The following FRMD4B variants were observed in gnomAD, a reference collection of about 807,000 sequenced individuals.
FRMD4B encodes the protein FERM domain-containing protein 4B.
Under a neutral mutation model 141.5 loss-of-function variants are expected in FRMD4B, and 74 were observed. The observed-to-expected ratio is 0.52, with a 90% confidence interval of 0.43 to 0.63. FRMD4B has a LOEUF of 0.63. Among genes scored for constraint, FRMD4B ranks in the 30% least tolerant of loss-of-function variants. The pLI, the probability that FRMD4B is intolerant of heterozygous loss-of-function variation, is 0.00. For missense variants in FRMD4B, 1,366 were observed against 1,253.4 expected (o/e 1.09, Z -1.36); for synonymous variants, 506 against 467.9 (o/e 1.08, Z -1.05).
At chr3:69,436,360 T>TA (rs1006182137) in intron 1 of FRMD4B, among the ~76,000 whole-genome samples, 3 of 152,080 alleles carry the variant, frequency 2.0e-5, no homozygotes, top group African/African-American at 7.2e-5. Context: ...ACACTGATAA[T>TA]AAAAAAACTG....
At chr3:69,426,735 A>T (rs890778641) in intron 2 of FRMD4B, among the ~76,000 whole-genome samples, 3 of 152,200 alleles carry the variant, frequency 2.0e-5, no homozygotes, top group African/African-American at 7.2e-5. Flanking sequence ...AAATCAGAAA[A>T]TAATTTTAAC....
Position 69,170,023 on chromosome 3 carries a change from C to A in FRMD4B, c.*1838G>T, listed in dbSNP as rs1222315147. On this transcript the variant is annotated 3_prime_UTR_variant, in exon 23 of 23. Transcript: ENST00000398540. Reference sequence around the variant, plus strand: ...ATTCTAAGGCAACTTTATTGTAAGACACAGCATTATTTTTAATGTACTATT... The same window carrying A: ...ATTCTAAGGCAACTTTATTGTAAGAAACAGCATTATTTTTAATGTACTATT... 1 of 152,128 alleles carries A rather than the reference C, an allele frequency of 6.6e-6. No individual in the cohort carries two copies. The highest frequency in any genetic ancestry group is 1.5e-5 in the Non-Finnish European group (1 of 68,018). 9.4% of individuals were successfully genotyped at this position (152,128 alleles called of 1,614,324 possible). A position where few individuals can be genotyped will look rare whatever the true frequency, so the allele number is the denominator to read the frequency against.
intron 11 of FRMD4B, among the ~76,000 whole-genome samples, chr3:69,203,686 C>T (rs931374532): frequency 6.6e-6 from 1 of 152,162 alleles, no homozygotes; most frequent in Admixed American, 6.6e-5. Context: ...ACCACCAACA[C>T]CCACCTCAGA....
At chr3:69,350,489 A>T (rs908492259) in intron 1 of FRMD4B, among the ~76,000 whole-genome samples, 6 of 152,192 alleles carry the variant, frequency 3.9e-5, no homozygotes, top group Admixed American at 3.9e-4. Flanking sequence ...TACCCAAAGG[A>T]TTATAAATCA....
At chr3:69,235,207 G>T (rs1009874050) in intron 7 of FRMD4B, among the ~76,000 whole-genome samples, 22 of 147,100 alleles carry the variant, frequency 1.5e-4, no homozygotes, top group African/African-American at 4.7e-4. Flanking sequence ...ATATTTTCAA[G>T]AAAGAAACTG....
chr3:69,196,150 T>C (rs2107651833), intron 14 of FRMD4B, 105 bp downstream of exon 14: 2 of 898,586 alleles, frequency 2.2e-6, no homozygotes, highest in East Asian at 5.3e-5. Flanking sequence ...CATACTTATT[T>C]ATTCCCAAAA....
In FRMD4B at chr3:69,386,019, C is replaced by A; in HGVS notation, c.-30G>T. 6.5e-7 allele frequency: 1 copy of A among 1,538,646 alleles called. No individual in the cohort carries two copies. The highest frequency in any genetic ancestry group is 8.8e-7 in the Non-Finnish European group (1 of 1,135,588). On this transcript the variant is annotated 5_prime_UTR_variant, in exon 1 of 23. Transcript: ENST00000398540. ...CCTCCTTCGCTCTGAACCCGGGCGT[C>A]CCGGCTCTCGTACGTGCAGCCCCGA...
intron 1 of FRMD4B, among the ~76,000 whole-genome samples, chr3:69,329,638 C>T (rs1702301942): frequency 6.8e-6 from 1 of 147,386 alleles, no homozygotes; most frequent in South Asian, 2.2e-4. Context: ...AGCAATTCTC[C>T]TGCCTCAGCC....
At position 69,515,413 on chromosome 3, in the gene FRMD4B, T is replaced by C. The variant is rs190101599; in HGVS notation, c.-129+26793A>G. The stretch of plus-strand genomic sequence containing the variant: ...TCCACCTTCTTAAGACTGCAGTATC[T>C]TCAATTATTTTGAAGTCTTTTGCAT... On this transcript the variant is annotated intron_variant, in intron 1 of 5. Coordinates refer to the FRMD4B transcript ENST00000459638. 2.6e-5 allele frequency among the ~76,000 whole-genome samples: 4 copies of C among 152,360 alleles called. No homozygotes were observed. In the East Asian group the frequency reaches 5.8e-4, roughly 22 times the overall value.
rs189388645 is a variant in FRMD4B, at chr3:69,182,888, A to G, written c.1920-171T>C. On this transcript the variant is annotated intron_variant, in intron 19 of 22. Coordinates refer to ENST00000398540, the MANE Select transcript of FRMD4B (RefSeq NM_015123.3). ...TAAACCACAAAGAAAACCCGCTAAA[A>G]CAGCGGGAGCACATATGGTCTGACT... Among the ~76,000 whole-genome samples, 137 of 152,286 alleles carry G rather than the reference A, an allele frequency of 9.0e-4. 1 individual carries two copies. The highest frequency in any genetic ancestry group is 3.8e-4 in the Non-Finnish European group (26 of 68,016).
intron 3 of FRMD4B, among the ~76,000 whole-genome samples, chr3:69,307,974 A>G (rs548768138): frequency 6.6e-6 from 1 of 152,122 alleles, no homozygotes. Flanking sequence ...ATGTTCATGC[A>G]TTTGCCCACA....
intron 1 of FRMD4B, among the ~76,000 whole-genome samples, chr3:69,453,325 G>A (rs895090726): frequency 3.3e-5 from 5 of 152,204 alleles, no homozygotes; most frequent in Non-Finnish European, 1.5e-5. Flanking sequence ...TGGTGCAGGG[G>A]TCATATTCTT....
chr3:69,528,294 C>G (rs903881863), intron 1 of FRMD4B, among the ~76,000 whole-genome samples: 2 of 133,046 alleles, frequency 1.5e-5, no homozygotes, highest in Non-Finnish European at 3.1e-5. Flanking sequence ...TCCTTTTCTT[C>G]CTTCCTTCCT....
chr3:69,354,448 G>C (rs78645665), intron 1 of FRMD4B, among the ~76,000 whole-genome samples: 3,393 of 152,204 alleles, frequency 0.022, 131 homozygotes, highest in African/African-American at 0.075. Context: ...AGTATGGTAT[G>C]GTTAAGAATA....
intron 2 of FRMD4B, chr3:69,432,574 C>CA (rs770251474): frequency 1.4e-5 from 2 of 142,016 alleles, no homozygotes; most frequent in Non-Finnish European, 3.2e-5. Flanking sequence ...CACATAAACT[C>CA]ACTTTTCTAT....
chr3:69,432,121 T>C (rs968228391), intron 2 of FRMD4B, among the ~76,000 whole-genome samples: 1 of 152,224 alleles, frequency 6.6e-6, no homozygotes, highest in Non-Finnish European at 1.5e-5. Flanking sequence ...CCAGTACTGA[T>C]ACTAAGGATA....
intron 1 of FRMD4B, among the ~76,000 whole-genome samples, chr3:69,485,110 C>A (rs68084230): frequency 0.35 from 53,672 of 152,054 alleles, 9,803 homozygotes; most frequent in South Asian, 0.49. Context: ...TTCCCCTCCC[C>A]TGCTCCTCTA....
At position 69,241,522 on chromosome 3, in the gene FRMD4B, G is replaced by T. The variant is rs373254303; in HGVS notation, c.581+7704C>A. Among the ~76,000 whole-genome samples the T allele has an allele frequency of 3.8e-4, 58 of 152,280 alleles. 1 individual carries two copies. Among genetic ancestry groups the T allele is most frequent in the African/African-American group, 1.0e-3 (42 of 41,562 alleles). ...GCCCGACCTGAAATAAGACAAAAAC[G>T]TTTCATTTCTGTCAAGTAAGCCTTC... On this transcript the variant is annotated intron_variant, in intron 7 of 22. Coordinates refer to ENST00000398540, the MANE Select transcript of FRMD4B (RefSeq NM_015123.3).
chr3:69,410,403 A>T (rs1704732971), intron 2 of FRMD4B, among the ~76,000 whole-genome samples: 1 of 152,046 alleles, frequency 6.6e-6, no homozygotes, highest in African/African-American at 2.4e-5. Context: ...TGCGTGTGTG[A>T]GTATGAGTAT....
Sources: gnomAD v4.1 joint callset for allele counts (sites outside exome capture counted in the v4.1 genomes callset) on GRCh38, gnomAD v4.1.1 for gene constraint, MANE v1.5 for transcripts, NCBI Gene and HGNC (gene_info 2026-07-23, HGNC 2026-07-21) for gene names.